MICU2: variants seen among roughly 807,000 people sequenced by gnomAD.
MICU2 encodes the protein calcium uptake protein 2, mitochondrial.
MICU2 carries 64 observed loss-of-function variants against 60.4 expected under a neutral mutation model. That is an observed-to-expected ratio of 1.06 (90% CI 0.87 to 1.31). The LOEUF (loss-of-function observed/expected upper bound fraction) is 1.31, where lower values mean the gene tolerates loss of function less well. Ranked by LOEUF, MICU2 falls within the 50% of genes most tolerant of loss-of-function variation. MICU2 has a pLI of 0.00. For synonymous variants in MICU2, 201 were observed against 175.0 expected (o/e 1.15, Z -1.17); for missense variants, 569 against 531.0 (o/e 1.07, Z -0.70).
chr13:21,521,824 T>C (rs1886723169), intron 5 of MICU2, among the ~76,000 whole-genome samples: 1 of 152,228 alleles, frequency 6.6e-6, no homozygotes, highest in African/African-American at 2.4e-5. Context: ...TCACCCAGGC[T>C]GGAGTGCAGT....
rs10622847 is a variant in MICU2, at chr13:21,600,793, C to CTAT, written c.210+3143_210+3145dup. Among the ~76,000 whole-genome samples the CTAT allele has an allele frequency of 2.4e-3, 356 of 150,878 alleles. 3 individuals are homozygous for CTAT. The highest frequency in any genetic ancestry group is 7.0e-3 in the African/African-American group (286 of 41,142). ...TGACTGAAAATGAAGGACATATTCACTATTATTATTATTATTATTTTGAGA... is the reference window on the plus strand; with the variant it reads ...TGACTGAAAATGAAGGACATATTCACTATTATTATTATTATTATTATTTTGAGA... On this transcript the variant is annotated intron_variant, in intron 1 of 11. Transcript: ENST00000382374.
intron 1 of MICU2, among the ~76,000 whole-genome samples, chr13:21,590,885 C>T (rs1300725942): frequency 6.6e-6 from 1 of 151,960 alleles, no homozygotes; most frequent in Admixed American, 6.6e-5. Context: ...CAAAAAGAAG[C>T]ACTAAATATG....
chr13:21,545,778 G>T (rs1457191713), intron 2 of MICU2, among the ~76,000 whole-genome samples: 1 of 152,116 alleles, frequency 6.6e-6, no homozygotes, highest in African/African-American at 2.4e-5. Context: ...TTTGTTAAAG[G>T]ATACAAAATT....
rs1255854545 is a variant in MICU2, at chr13:21,522,003, T to A, written c.514+600A>T. Among the ~76,000 whole-genome samples, 4 of 152,244 alleles carry A rather than the reference T, an allele frequency of 2.6e-5. No homozygotes were observed. The South Asian group carries it at 8.3e-4, about 32-fold the overall frequency. On this transcript the variant is annotated intron_variant, in intron 5 of 11. Transcript: ENST00000382374. ...CATGTTGCCCAAGCTGGTCTCAAAC[T>A]CCTGGGCTCAAGCTAAAGTGCTGGG...
chr13:21,571,983 T>C (rs1281330543), intron 1 of MICU2, among the ~76,000 whole-genome samples: 1 of 152,230 alleles, frequency 6.6e-6, no homozygotes, highest in Non-Finnish European at 1.5e-5. Flanking sequence ...TGTAAGACAC[T>C]GGAGCCTATA....
chr13:21,494,557 T>G (rs79575338), intron 11 of MICU2, among the ~76,000 whole-genome samples: 2,687 of 152,338 alleles, frequency 0.018, 44 homozygotes, highest in Non-Finnish European at 0.025. Context: ...AGTTTCCTCA[T>G]GGTATGGGTC....
chr13:21,575,719 G>T (rs1224052339), intron 1 of MICU2, among the ~76,000 whole-genome samples: 1 of 95,788 alleles, frequency 1.0e-5, no homozygotes, highest in African/African-American at 4.3e-5. Context: ...GACAGAGTGA[G>T]ACTCTGTCTC....
chr13:21,564,082 T>G (rs1049645976), intron 2 of MICU2, among the ~76,000 whole-genome samples: 6 of 152,240 alleles, frequency 3.9e-5, no homozygotes, highest in Non-Finnish European at 8.8e-5. Flanking sequence ...TGCTGTGCAC[T>G]TTTTCCATTG....
intron 2 of MICU2, among the ~76,000 whole-genome samples, chr13:21,540,743 GC>G (rs1887261232): frequency 6.6e-6 from 1 of 152,088 alleles, no homozygotes; most frequent in Non-Finnish European, 1.5e-5. Flanking sequence ...ACTATTATGT[GC>G]CAGCCAAAGA....
At chr13:21,571,652 C>T (rs192372046) in intron 1 of MICU2, among the ~76,000 whole-genome samples, 1 of 152,188 alleles carries the variant, frequency 6.6e-6, no homozygotes, top group Non-Finnish European at 1.5e-5. Context: ...GAGCCAAGAT[C>T]GTGCCACTGC....
intron 1 of MICU2, among the ~76,000 whole-genome samples, chr13:21,588,940 C>T (rs1230376444): frequency 6.6e-6 from 1 of 152,024 alleles, no homozygotes. Context: ...TTAGATAAAC[C>T]ACATCTACTA....
rs1315067811 is a variant in MICU2, at chr13:21,595,910, G to T, written c.210+8029C>A. Among the ~76,000 whole-genome samples, 3 of 152,208 alleles carry T rather than the reference G, an allele frequency of 2.0e-5. No individual in the cohort carries two copies. In the East Asian group the frequency reaches 5.8e-4, roughly 29 times the overall value. On this transcript the variant is annotated intron_variant, in intron 1 of 11. Transcript: ENST00000382374. ...TGACACCTGCTACTTCTGGACCCCTGTGAGTATTACTCTCTTAGTAGTCAA... is the reference window on the plus strand; with the variant it reads ...TGACACCTGCTACTTCTGGACCCCTTTGAGTATTACTCTCTTAGTAGTCAA...
chr13:21,587,302 T>A (rs1888480981), intron 1 of MICU2, among the ~76,000 whole-genome samples: 2 of 152,184 alleles, frequency 1.3e-5, no homozygotes, highest in South Asian at 4.1e-4. Context: ...CAAAATTATC[T>A]CCCCACAAAA....
At chr13:21,530,690 G>A (rs1029100565) in intron 4 of MICU2, 6 of 371,636 alleles carry the variant, frequency 1.6e-5, no homozygotes, top group Non-Finnish European at 2.9e-5. Context: ...TACTGGGGTG[G>A]CCACTGAGGG....
At chr13:21,563,503 T>A (rs1237369009) in intron 2 of MICU2, among the ~76,000 whole-genome samples, 1 of 152,112 alleles carries the variant, frequency 6.6e-6, no homozygotes, top group Non-Finnish European at 1.5e-5. Context: ...CCTAGGCATT[T>A]ATTGGTATTT....
chr13:21,564,090 T>C (rs181431370), intron 2 of MICU2, among the ~76,000 whole-genome samples: 21 of 152,380 alleles, frequency 1.4e-4, no homozygotes, highest in African/African-American at 4.3e-4. Flanking sequence ...ACTTTTTCCA[T>C]TGGAGCCCTT....
intron 6 of MICU2, among the ~76,000 whole-genome samples, chr13:21,517,770 G>GACACACAC (rs374373614): frequency 9.0e-5 from 13 of 144,506 alleles, no homozygotes; most frequent in African/African-American, 3.3e-4. Flanking sequence ...ACAGAGCGAG[G>GACACACAC]ACACACACAC....
intron 1 of MICU2, chr13:21,603,717 AGGCAGAAT>A: frequency 8.7e-6 from 5 of 571,940 alleles, no homozygotes; most frequent in Non-Finnish European, 1.5e-5. Flanking sequence ...CTCCCAAGGG[AGGCAGAAT>A]CTCCGGTCAC....
chr13:21,520,807 T>G (rs771202538), intron 6 of MICU2, among the ~76,000 whole-genome samples: 2 of 152,082 alleles, frequency 1.3e-5, no homozygotes, highest in East Asian at 3.8e-4. Context: ...CCTGGAAAAT[T>G]TGCACCAATT....
Sources: allele counts gnomAD v4.1 joint callset (sites outside exome capture counted in the v4.1 genomes callset), GRCh38; gene constraint gnomAD v4.1.1; transcripts MANE v1.5; gene names NCBI Gene and HGNC (gene_info 2026-07-23, HGNC 2026-07-21).